The following CCN4 variants were observed in gnomAD, a reference collection of about 807,000 sequenced individuals.
The protein encoded by CCN4 is cellular communication network factor 4, also known as CCN family member 4.
A neutral mutation model predicts 36.7 loss-of-function variants in CCN4; 30 were observed. The ratio of observed to expected loss-of-function variants is 0.82; its 90% confidence interval spans 0.61 to 1.11. The LOEUF (loss-of-function observed/expected upper bound fraction) is 1.11, where lower values mean the gene tolerates loss of function less well. Among genes scored for constraint, CCN4 ranks in the 50% least tolerant of loss-of-function variants. CCN4 has a pLI of 0.00. For synonymous variants in CCN4, 191 were observed against 195.4 expected (o/e 0.98, Z 0.19); for missense variants, 505 against 504.9 (o/e 1.00, Z 0.00).
At chr8:133,192,191 G>A (rs1853139796) in intron 1 of CCN4, among the ~76,000 whole-genome samples, 1 of 152,182 alleles carries the variant, frequency 6.6e-6, no homozygotes, top group Admixed American at 6.5e-5. Context: ...CTTCCTTGGG[G>A]GTTAAGAAGC....
Position 133,224,304 on chromosome 8 carries a change from G to A in CCN4, c.611-1086G>A, listed in dbSNP as rs1017129982. ...AGACCAGGCTGGAGTGCACGGGCAC[G>A]ATCTTGGCTCACTGCAACCTCTACC... is the stretch of plus-strand genomic sequence containing the variant. On this transcript the variant is annotated intron_variant, in intron 3 of 4. Transcript: ENST00000250160. Among the ~76,000 whole-genome samples the A allele has an allele frequency of 6.2e-4, 81 of 131,076 alleles. 2 individuals carry two copies. The highest frequency in any genetic ancestry group is 2.2e-3 in the African/African-American group (77 of 34,390). The allele number at this position is 131,076 out of a possible 152,430, so 86.0% of individuals were successfully genotyped here.
chr8:133,224,476 G>A (rs1854654746), intron 3 of CCN4, among the ~76,000 whole-genome samples: 1 of 151,734 alleles, frequency 6.6e-6, no homozygotes, highest in Non-Finnish European at 1.5e-5. Context: ...CTGACCTCAA[G>A]TGATCCACCT....
intron 3 of CCN4, among the ~76,000 whole-genome samples, chr8:133,224,060 A>G (rs557381902): frequency 7.9e-5 from 12 of 152,192 alleles, no homozygotes; most frequent in Non-Finnish European, 1.5e-5. Context: ...ATAGGCGTGA[A>G]GTCATCTTTT....
intron 1 of CCN4, among the ~76,000 whole-genome samples, chr8:133,206,007 G>C (rs547435506): frequency 1.8e-4 from 28 of 152,234 alleles, no homozygotes; most frequent in African/African-American, 6.5e-4. Flanking sequence ...AAAGATAAGG[G>C]CCAGGTGTGG....
Position 133,225,445 on chromosome 8 carries a change from C to T in CCN4, c.666C>T (p.Pro222=). The stretch of plus-strand genomic sequence containing the variant: ...GGAACTGCATAGCCTACACAAGCCC[C>T]TGGAGCCCTTGCTCCACCAGCTGCG... ...WHRNCIAYTS[P]WSPCSTSCGL... is the part of the protein sequence containing the mutation. The change falls in exon 4 of 5, where the codon CCC becomes CCT. Residue 222 remains proline, a synonymous_variant. Coordinates refer to ENST00000250160, the MANE Select transcript of CCN4 (RefSeq NM_003882.4). 4 of 1,614,054 alleles carry T rather than the reference C, an allele frequency of 2.5e-6. No homozygotes were observed. The highest frequency in any genetic ancestry group is 3.4e-6 in the Non-Finnish European group (4 of 1,179,958).
chr8:133,202,197 C>T (rs181466809), intron 1 of CCN4, among the ~76,000 whole-genome samples: 1 of 152,238 alleles, frequency 6.6e-6, no homozygotes, highest in East Asian at 1.9e-4. Flanking sequence ...TGGGAGAAAA[C>T]CAAAAGGAGT....
At chr8:133,209,706 G>C (rs891775937) in intron 1 of CCN4, among the ~76,000 whole-genome samples, 9 of 152,226 alleles carry the variant, frequency 5.9e-5, no homozygotes, top group Non-Finnish European at 1.0e-4. Context: ...TCAGCTCAAA[G>C]TGTCCAGATC....
At chr8:133,199,347 A>G (rs1452061366) in intron 1 of CCN4, among the ~76,000 whole-genome samples, 1 of 152,194 alleles carries the variant, frequency 6.6e-6, no homozygotes, top group Non-Finnish European at 1.5e-5. Context: ...CGGGCAGCAC[A>G]CAGCCTGGGT....
chr8:133,212,197 G>T (rs949510259), intron 1 of CCN4, among the ~76,000 whole-genome samples: 1 of 152,128 alleles, frequency 6.6e-6, no homozygotes, highest in African/African-American at 2.4e-5. Context: ...AAATAAAAGG[G>T]CTCCTCCATG....
intron 1 of CCN4, among the ~76,000 whole-genome samples, chr8:133,193,472 G>C (rs1853188562): frequency 6.6e-6 from 1 of 152,174 alleles, no homozygotes; most frequent in Non-Finnish European, 1.5e-5. Flanking sequence ...TGCTAAAGGT[G>C]TATTGCAAAT....
At chr8:133,206,728 G>A (rs1006758366) in intron 1 of CCN4, among the ~76,000 whole-genome samples, 2 of 152,156 alleles carry the variant, frequency 1.3e-5, no homozygotes, top group African/African-American at 2.4e-5. Flanking sequence ...GCCTGGGGCC[G>A]AGGGAGGCTG....
chr8:133,209,615 A>G (rs1853917041), intron 1 of CCN4, among the ~76,000 whole-genome samples: 1 of 152,242 alleles, frequency 6.6e-6, no homozygotes, highest in Admixed American at 6.5e-5. Context: ...CCTTCTGGGC[A>G]TCTTTAACTT....
Position 133,230,475 on chromosome 8 carries a change from A to G in CCN4, c.*2765A>G, listed in dbSNP as rs1854917401. The stretch of plus-strand genomic sequence containing the variant: ...TAAGTGGAAAAGAGAAGTGCCCCCA[A>G]AAAGTTAGAGCTCAAACAGCAGCTT... On this transcript the variant is annotated 3_prime_UTR_variant, in exon 5 of 5. Transcript: ENST00000250160. 2 of 152,216 alleles carry G rather than the reference A, an allele frequency of 1.3e-5. No homozygotes were observed. The highest frequency in any genetic ancestry group is 4.8e-5 in the African/African-American group (2 of 41,458). 9.4% of individuals were successfully genotyped at this position (152,216 alleles called of 1,614,324 possible).
At chr8:133,224,725 A>G (rs1854664061) in intron 3 of CCN4, among the ~76,000 whole-genome samples, 1 of 151,634 alleles carries the variant, frequency 6.6e-6, no homozygotes, top group Non-Finnish European at 1.5e-5. Flanking sequence ...ACCTGAGGTC[A>G]GGAGTTTGAG....
At chr8:133,193,167 G>C (rs767421430) in intron 1 of CCN4, among the ~76,000 whole-genome samples, 1 of 152,302 alleles carries the variant, frequency 6.6e-6, no homozygotes, top group African/African-American at 2.4e-5. Context: ...TTCCATACAT[G>C]GTCATCCTCC....
chr8:133,218,420 G>A (rs1195800524), intron 2 of CCN4, among the ~76,000 whole-genome samples: 1 of 152,188 alleles, frequency 6.6e-6, no homozygotes, highest in Non-Finnish European at 1.5e-5. Flanking sequence ...CACCTTGGAC[G>A]CTATGTGTCT....
At chr8:133,222,378 A>C (rs1167022695) in intron 3 of CCN4, among the ~76,000 whole-genome samples, 4 of 150,566 alleles carry the variant, frequency 2.7e-5, no homozygotes, top group Non-Finnish European at 5.9e-5. Context: ...CATTTGGGCC[A>C]AGGGAGATCT....
Position 133,230,442 on chromosome 8 carries a change from CT to C in CCN4, c.*2733del, listed in dbSNP as rs2130637076. On this transcript the variant is annotated 3_prime_UTR_variant, in exon 5 of 5. Transcript: ENST00000250160. Reference sequence around the variant, plus strand: ...AGCAATTTTGAGTATGCATCTTTCACTATTTTATAAGTGGAAAAGAGAAGTG... The same window carrying C: ...AGCAATTTTGAGTATGCATCTTTCACATTTTATAAGTGGAAAAGAGAAGTG... The C allele has an allele frequency of 6.6e-6, 1 of 152,330 alleles. No individual in the cohort carries two copies. The highest frequency in any genetic ancestry group is 2.1e-4 in the South Asian group (1 of 4,830). 9.4% of individuals were successfully genotyped at this position (152,330 alleles called of 1,614,324 possible).
In CCN4 at chr8:133,228,406, T is replaced by G. The variant is rs1027085953; in HGVS notation, c.*696T>G. 6.6e-6 allele frequency: 1 copy of G among 152,222 alleles called. No individual in the cohort carries two copies. Among genetic ancestry groups the G allele is most frequent in the South Asian group, 2.1e-4 (1 of 4,828 alleles). The allele number at this position is 152,222 out of a possible 1,614,324, so 9.4% of individuals were successfully genotyped here. On this transcript the variant is annotated 3_prime_UTR_variant, in exon 5 of 5. Coordinates refer to ENST00000250160, the MANE Select transcript of CCN4 (RefSeq NM_003882.4). ...AAAATTTGATAAACATTCCTGTTGA[T>G]GGGAAAAGCCCCCAGTTAATACTCC...
Sources: allele counts gnomAD v4.1 joint callset (sites outside exome capture counted in the v4.1 genomes callset), GRCh38; gene constraint gnomAD v4.1.1; transcripts MANE v1.5; gene names NCBI Gene and HGNC (gene_info 2026-07-23, HGNC 2026-07-21).